Variants in HHAT observed in about 807,000 individuals in gnomAD.
HHAT encodes the protein hedgehog acyltransferase, also known as protein-cysteine N-palmitoyltransferase HHAT.
Under a neutral mutation model 70.8 loss-of-function variants are expected in HHAT, and 47 were observed. That is an observed-to-expected ratio of 0.66 (90% confidence interval 0.53 to 0.85). HHAT has a LOEUF of 0.85. Ranked by LOEUF, HHAT falls within the 40% of genes least tolerant of loss-of-function variation. HHAT has a pLI of 0.00. For synonymous variants in HHAT, 228 were observed against 247.6 expected (o/e 0.92, Z 0.74); for missense variants, 609 against 604.8 (o/e 1.01, Z -0.07).
chr1:210,621,257 A>T (rs1340087711), intron 10 of HHAT, among the ~76,000 whole-genome samples: 1 of 152,130 alleles, frequency 6.6e-6, no homozygotes, highest in Non-Finnish European at 1.5e-5. Flanking sequence ...AGTTGACGTT[A>T]ACAAAGGAAA....
chr1:210,426,309 C>T (rs2093059263), intron 7 of HHAT, among the ~76,000 whole-genome samples: 1 of 152,144 alleles, frequency 6.6e-6, no homozygotes, highest in Non-Finnish European at 1.5e-5. Flanking sequence ...TACTTCTTCT[C>T]TTCCTATTTG....
chr1:210,400,444 C>T, intron 4 of HHAT, 24 bp from the exon 5 acceptor site: 2 of 1,576,130 alleles, frequency 1.3e-6, no homozygotes. Context: ...CTGTCTCTCT[C>T]TGGATGGGCC....
chr1:210,374,728 T>C lies in HHAT; in HGVS notation c.159+11809T>C, dbSNP rs74951528. Among the ~76,000 whole-genome samples the C allele has an allele frequency of 9.6e-3, 1,457 of 152,188 alleles. 12 individuals carry two copies. The highest frequency in any genetic ancestry group is 0.028 in the African/African-American group (1,155 of 41,506). On this transcript the variant is annotated intron_variant, in intron 3 of 11. Coordinates refer to ENST00000261458, the MANE Select transcript of HHAT (RefSeq NM_018194.6). ...GTTGCAGCAGTAGTACAGAGAGGCCTTGTGTACCTCTACCGAGCTTCCCCA... is the reference window on the plus strand; with the variant it reads ...GTTGCAGCAGTAGTACAGAGAGGCCCTGTGTACCTCTACCGAGCTTCCCCA...
chr1:210,491,678 A>G (rs780066768), intron 8 of HHAT, among the ~76,000 whole-genome samples: 1 of 152,112 alleles, frequency 6.6e-6, no homozygotes, highest in Non-Finnish European at 1.5e-5. Flanking sequence ...TTCTGCCCCT[A>G]TTCTTCAGTC....
chr1:210,405,189 G>A (rs1252473066), intron 6 of HHAT, among the ~76,000 whole-genome samples: 2 of 152,176 alleles, frequency 1.3e-5, no homozygotes, highest in Non-Finnish European at 2.9e-5. Flanking sequence ...TAAGTTCGAA[G>A]GCAGTGGTGT....
Position 210,421,134 on chromosome 1 carries a change from C to A in HHAT, c.856+2809C>A, listed in dbSNP as rs551199676. On this transcript the variant is annotated intron_variant, in intron 7 of 11. Coordinates refer to ENST00000261458, the MANE Select transcript of HHAT (RefSeq NM_018194.6). Reference sequence around the variant, plus strand: ...CATTCTGCACAGAAATAGAAAAAAACCCCTAAAATTTGTGTGGAACCACAA... The same window carrying A: ...CATTCTGCACAGAAATAGAAAAAAAACCCTAAAATTTGTGTGGAACCACAA... Among the ~76,000 whole-genome samples, 9 of 152,070 alleles carry A rather than the reference C, an allele frequency of 5.9e-5. No homozygotes were observed. The South Asian group carries it at 6.2e-4, about 11-fold the overall frequency.
In HHAT at chr1:210,329,226, T is replaced by G. The variant is rs2084765031; in HGVS notation, c.-44+122T>G. ...TCCGTTTCCTACCCAAGTTCCCGTG[T>G]GCGCGCCCGAGGGCGGGACAGAGGA... is the stretch of plus-strand genomic sequence containing the variant. On this transcript the variant is annotated intron_variant, in intron 1 of 11. Coordinates refer to ENST00000261458, the MANE Select transcript of HHAT (RefSeq NM_018194.6). The G allele has an allele frequency of 7.6e-6, 9 of 1,186,990 alleles. No homozygotes were observed. In the East Asian group the frequency reaches 1.1e-4, roughly 14 times the overall value. The allele number at this position is 1,186,990 out of a possible 1,614,324, so 73.5% of individuals were successfully genotyped here.
At chr1:210,482,555 C>T (rs989124436) in intron 8 of HHAT, among the ~76,000 whole-genome samples, 5 of 152,290 alleles carry the variant, frequency 3.3e-5, no homozygotes, top group Middle Eastern at 6.8e-3. Context: ...TTCTTTTTTA[C>T]AACCGTGATC....
chr1:210,375,633 A>G lies in HHAT; in HGVS notation c.160-11835A>G, dbSNP rs559791802. On this transcript the variant is annotated intron_variant, in intron 3 of 11. Transcript: ENST00000261458. ...GGTTTATTCAGCTTCTTGAATTTGT[A>G]GGTTTATGCTTTTTGCCAAATTTGG... Among the ~76,000 whole-genome samples the G allele has an allele frequency of 2.6e-5, 4 of 151,504 alleles. No homozygotes were observed. In the East Asian group the frequency reaches 7.7e-4, roughly 29 times the overall value.
chr1:210,489,754 A>G (rs976022766), intron 8 of HHAT, among the ~76,000 whole-genome samples: 2 of 152,220 alleles, frequency 1.3e-5, no homozygotes, highest in South Asian at 2.1e-4. Flanking sequence ...AAAACTGCCC[A>G]TGACCTTCTT....
At chr1:210,400,414 C>A in intron 4 of HHAT, 54 bp from the exon 5 acceptor site, 1 of 1,485,568 alleles carries the variant, frequency 6.7e-7, no homozygotes. Context: ...TGTTTATTTT[C>A]CTCCCTCCCC....
At chr1:210,520,610 T>C (rs776214515) in intron 9 of HHAT, among the ~76,000 whole-genome samples, 1 of 152,166 alleles carries the variant, frequency 6.6e-6, no homozygotes, top group Non-Finnish European at 1.5e-5. Flanking sequence ...CAACTTAACT[T>C]TGGGCATATG....
chr1:210,654,678 A>C (rs1304247249), intron 11 of HHAT, among the ~76,000 whole-genome samples: 2 of 152,206 alleles, frequency 1.3e-5, no homozygotes, highest in Non-Finnish European at 2.9e-5. Flanking sequence ...TGGTTAGTTT[A>C]TCTTCAGATC....
chr1:210,651,541 C>T (rs573138732), intron 11 of HHAT, among the ~76,000 whole-genome samples: 13 of 152,226 alleles, frequency 8.5e-5, no homozygotes, highest in South Asian at 4.1e-4. Context: ...CTGCGGCTTA[C>T]GATGGAACCT....
intron 9 of HHAT, among the ~76,000 whole-genome samples, chr1:210,548,224 G>C (rs561519800): frequency 1.3e-5 from 2 of 152,330 alleles, no homozygotes; most frequent in East Asian, 3.9e-4. Context: ...AAAAGGGCCA[G>C]ACCCAATTAC....
intron 2 of HHAT, among the ~76,000 whole-genome samples, chr1:210,357,524 T>TA (rs2087769141): frequency 6.6e-6 from 1 of 152,182 alleles, no homozygotes; most frequent in Non-Finnish European, 1.5e-5. Flanking sequence ...AACCTAGCAT[T>TA]AAAATACACA....
At chr1:210,443,303 G>T (rs1448571662) in intron 7 of HHAT, among the ~76,000 whole-genome samples, 1 of 151,686 alleles carries the variant, frequency 6.6e-6, no homozygotes, top group East Asian at 1.9e-4. Context: ...TGTTCTTTTG[G>T]CTTAGGATTG....
chr1:210,495,291 A>C (rs191745289), intron 8 of HHAT, among the ~76,000 whole-genome samples: 51 of 151,254 alleles, frequency 3.4e-4, no homozygotes, highest in African/African-American at 1.1e-3. Context: ...AAATTATAAT[A>C]TATTACAAAA....
At chr1:210,402,860 CA>C (rs2092145138) in intron 5 of HHAT, among the ~76,000 whole-genome samples, 1 of 152,170 alleles carries the variant, frequency 6.6e-6, no homozygotes, top group African/African-American at 2.4e-5. Context: ...TGCATCAACA[CA>C]GTGATGGGAA....
Sources: allele counts gnomAD v4.1 joint callset (sites outside exome capture counted in the v4.1 genomes callset), GRCh38; gene constraint gnomAD v4.1.1; transcripts MANE v1.5; gene names NCBI Gene and HGNC (gene_info 2026-07-23, HGNC 2026-07-21).